Variants in SNX7 observed in about 807,000 individuals in gnomAD.
The protein encoded by SNX7 is sorting nexin-7.
In SNX7, 35 loss-of-function variants were observed where a neutral mutation model predicts 48.4. The ratio of observed to expected loss-of-function variants is 0.72; its 90% CI spans 0.55 to 0.96. The LOEUF (loss-of-function observed/expected upper bound fraction) is 0.96, where lower values mean the gene tolerates loss of function less well. Among genes scored for constraint, SNX7 ranks in the 40% least tolerant of loss-of-function variants. The pLI is 0.00. For missense variants in SNX7, 553 were observed against 548.9 expected (o/e 1.01, Z -0.07); for synonymous variants, 190 against 190.2 (o/e 1.00, Z 0.01).
chr1:98,688,296 A>G (rs1650920873), intron 2 of SNX7, among the ~76,000 whole-genome samples: 1 of 152,216 alleles, frequency 6.6e-6, no homozygotes, highest in Admixed American at 6.5e-5. Context: ...CGGGAAGACC[A>G]CATTTGTGGC....
intron 7 of SNX7, among the ~76,000 whole-genome samples, chr1:98,714,813 T>C (rs1246576516): frequency 6.6e-6 from 1 of 152,140 alleles, no homozygotes; most frequent in Non-Finnish European, 1.5e-5. Context: ...GGACGAACAA[T>C]GTGTAGGCCT....
chr1:98,750,702 A>T lies in SNX7; in HGVS notation c.1279-9352A>T, dbSNP rs181146299. Among the ~76,000 whole-genome samples the T allele has an allele frequency of 2.0e-3, 306 of 151,808 alleles. 1 individual carries two copies. Among genetic ancestry groups the T allele is most frequent in the South Asian group, 0.02 (95 of 4,812 alleles). On this transcript the variant is annotated intron_variant, in intron 8 of 8. Coordinates refer to ENST00000306121, the MANE Select transcript of SNX7 (RefSeq NM_015976.5). ...ACGAATGAATGAATGAATGAATGAA[A>T]GAAAAGCAGTTAACTCAGTGTCTAA...
intron 2 of SNX7, among the ~76,000 whole-genome samples, chr1:98,687,192 C>T (rs1027068737): frequency 8.5e-5 from 13 of 152,210 alleles, no homozygotes; most frequent in South Asian, 8.3e-4. Context: ...ATTTCATGCA[C>T]GAGGACACCG....
rs767958716 is a variant in SNX7, at chr1:98,738,247, A to G, written c.1136A>G (p.Glu379Gly). 1.9e-6 allele frequency: 3 copies of G among 1,612,890 alleles called. No homozygotes were observed. Among genetic ancestry groups the G allele is most frequent in the Middle Eastern group, 1.7e-4 (1 of 5,822 alleles). The change falls in exon 8 of 9, where the codon GAG becomes GGG. Residue 379 changes from glutamate to glycine, a missense_variant. Coordinates refer to ENST00000306121, the MANE Select transcript of SNX7 (RefSeq NM_015976.5). ...TGTGACTTAATTCAGCTTCCAGAGG[A>G]GATTGGAAAACTTGAAGATAAAGTG... The part of the protein sequence containing the change: ...KKADTDLLPE[E>G]IGKLEDKVEC...
intron 2 of SNX7, among the ~76,000 whole-genome samples, chr1:98,690,729 T>G (rs1169661898): frequency 6.6e-6 from 1 of 152,088 alleles, no homozygotes; most frequent in Non-Finnish European, 1.5e-5. Flanking sequence ...GAAACCTAAA[T>G]TCAGAACACA....
chr1:98,681,631 A>G (rs1013044880), intron 1 of SNX7, among the ~76,000 whole-genome samples: 1 of 152,240 alleles, frequency 6.6e-6, no homozygotes, highest in African/African-American at 2.4e-5. Flanking sequence ...GGTCTATACC[A>G]TAATAGAAAG....
chr1:98,702,011 G>T (rs1651777087), intron 7 of SNX7, 108 bp downstream of exon 7: 1 of 757,084 alleles, frequency 1.3e-6, no homozygotes, highest in African/African-American at 1.8e-5. Flanking sequence ...TTATATGATT[G>T]TTTCTAAGCA....
rs568417370 is a variant in SNX7, at chr1:98,663,114, A to T, written c.180+1203A>T. ...ATGTTCAGATCAACGACAGTTGGCC[A>T]GTTGGTTATTTACTTTCTTTCCTTC... On this transcript the variant is annotated intron_variant, in intron 1 of 8. Coordinates refer to ENST00000306121, the MANE Select transcript of SNX7 (RefSeq NM_015976.5). Among the ~76,000 whole-genome samples the T allele has an allele frequency of 2.6e-5, 4 of 152,266 alleles. No homozygotes were observed. In the South Asian group the frequency reaches 8.3e-4, roughly 32 times the overall value.
chr1:98,681,293 G>A (rs534052576), intron 1 of SNX7, among the ~76,000 whole-genome samples: 105 of 152,260 alleles, frequency 6.9e-4, no homozygotes, highest in African/African-American at 2.4e-3. Flanking sequence ...TGACACATGG[G>A]AATCGTGGGA....
intron 7 of SNX7, among the ~76,000 whole-genome samples, chr1:98,723,407 T>C (rs1570572147): frequency 6.6e-6 from 1 of 152,276 alleles, no homozygotes; most frequent in East Asian, 1.9e-4. Flanking sequence ...CTAAGTACCT[T>C]ATTTTTTTGG....
intron 1 of SNX7, chr1:98,662,607 G>T (rs915929500): frequency 1.3e-5 from 15 of 1,124,342 alleles, no homozygotes; most frequent in Non-Finnish European, 4.6e-6. Flanking sequence ...AAATTGACTT[G>T]TGGGGGCTAG....
intron 1 of SNX7, among the ~76,000 whole-genome samples, chr1:98,683,222 G>A (rs750064730): frequency 1.3e-4 from 19 of 151,948 alleles, no homozygotes; most frequent in East Asian, 9.7e-4. Context: ...GCCTTTCCTC[G>A]TGTTTGGATG....
intron 7 of SNX7, among the ~76,000 whole-genome samples, chr1:98,732,306 A>G (rs1317772640): frequency 3.9e-5 from 6 of 152,116 alleles, no homozygotes; most frequent in African/African-American, 1.4e-4. Flanking sequence ...GAAACAGTCT[A>G]TGGCCTGTAA....
chr1:98,754,686 T>C (rs753815021), intron 8 of SNX7, among the ~76,000 whole-genome samples: 1 of 152,008 alleles, frequency 6.6e-6, no homozygotes, highest in Non-Finnish European at 1.5e-5. Context: ...CCTTGGCAAT[T>C]TATGTCATCT....
chr1:98,687,354 A>G (rs1650860503), intron 2 of SNX7, among the ~76,000 whole-genome samples: 1 of 152,168 alleles, frequency 6.6e-6, no homozygotes, highest in South Asian at 2.1e-4. Context: ...TAACTATTAT[A>G]AATGACTTCC....
intron 8 of SNX7, among the ~76,000 whole-genome samples, chr1:98,756,422 GTTTTT>G (rs35117249): frequency 9.1e-5 from 5 of 54,692 alleles, no homozygotes; most frequent in South Asian, 1.0e-3. Flanking sequence ...TGCCAGATGA[GTTTTT>G]TTTTTTTTTT....
chr1:98,690,566 A>G (rs1346556786), intron 2 of SNX7, among the ~76,000 whole-genome samples: 2 of 152,126 alleles, frequency 1.3e-5, no homozygotes, highest in Non-Finnish European at 2.9e-5. Context: ...TAGAATTTTC[A>G]TATACTAAAA....
At position 98,695,553 on chromosome 1, in the gene SNX7, G is replaced by A. The variant is rs765828575; in HGVS notation, c.675G>A (p.Leu225=). The change falls in exon 5 of 9, where the codon TTG becomes TTA. Residue 225 remains leucine (L), a synonymous_variant. Transcript: ENST00000306121. ...CTCACAAGAAGCAAGGTCCTGGCTT[G>A]CTAAGCAGGATGGGGCAAACCGTCA... ...LSSHKKQGPG[L]LSRMGQTVRA... is the part of the protein sequence containing the mutation. 6.2e-7 allele frequency: 1 copy of A among 1,614,114 alleles called. No homozygotes were observed. Among genetic ancestry groups the A allele is most frequent in the South Asian group, 1.1e-5 (1 of 91,076 alleles).
intron 7 of SNX7, among the ~76,000 whole-genome samples, chr1:98,719,803 A>G (rs960379957): frequency 6.6e-6 from 1 of 150,560 alleles, no homozygotes; most frequent in Non-Finnish European, 1.5e-5. Context: ...CCTTTTTTAC[A>G]ATAGAATCTT....
Sources: allele counts gnomAD v4.1 joint callset (sites outside exome capture counted in the v4.1 genomes callset), GRCh38; gene constraint gnomAD v4.1.1; transcripts MANE v1.5; gene names NCBI Gene and HGNC (gene_info 2026-07-23, HGNC 2026-07-21).